Variants in KHDRBS2 observed in about 807,000 individuals in gnomAD.
KHDRBS2 encodes KH domain-containing, RNA-binding, signal transduction-associated protein 2.
A neutral mutation model predicts 44.3 loss-of-function variants in KHDRBS2; 26 were observed. That is an observed-to-expected ratio of 0.59 (90% CI 0.43 to 0.81). The LOEUF (loss-of-function observed/expected upper bound fraction) is 0.81, where lower values mean the gene tolerates loss of function less well. KHDRBS2 is among the 40% of genes least tolerant of loss of function. The pLI, the probability that KHDRBS2 is intolerant of heterozygous loss-of-function variation, is 0.00. For synonymous variants in KHDRBS2, 194 were observed against 151.1 expected, an observed-to-expected ratio of 1.28 and a Z score of -2.08; for missense variants, 476 against 433.1, an observed-to-expected ratio of 1.10 and a Z score of -0.88.
intron 3 of KHDRBS2, among the ~76,000 whole-genome samples, chr6:62,022,140 C>A (rs1352287075): frequency 2.6e-5 from 4 of 150,976 alleles, no homozygotes; most frequent in African/African-American, 7.3e-5. Context: ...AGTAGATTAT[C>A]CCTCGGGGTT....
chr6:62,005,448 TTAA>T (rs1203475299), intron 3 of KHDRBS2, among the ~76,000 whole-genome samples: 1 of 151,960 alleles, frequency 6.6e-6, no homozygotes, highest in Admixed American at 6.6e-5. Context: ...TAAATATGCT[TTAA>T]TAATAGAAAA....
chr6:61,688,631 A>G (rs1314618800), intron 8 of KHDRBS2, among the ~76,000 whole-genome samples: 5 of 151,924 alleles, frequency 3.3e-5, no homozygotes, highest in African/African-American at 1.2e-4. Flanking sequence ...TTTTCTACCT[A>G]AGAGCAGAAA....
At chr6:61,992,513 T>C (rs1172334510) in intron 3 of KHDRBS2, among the ~76,000 whole-genome samples, 2 of 152,208 alleles carry the variant, frequency 1.3e-5, no homozygotes, top group Admixed American at 1.3e-4. Flanking sequence ...TTTGGTATTA[T>C]GTTACTAATA....
chr6:62,071,744 C>T (rs528271462), intron 2 of KHDRBS2, among the ~76,000 whole-genome samples: 2 of 152,106 alleles, frequency 1.3e-5, no homozygotes, highest in East Asian at 1.9e-4. Flanking sequence ...GTTACTGTAG[C>T]CTTGTAGTAT....
chr6:62,239,432 G>C (rs1834222886), intron 1 of KHDRBS2, among the ~76,000 whole-genome samples: 1 of 151,978 alleles, frequency 6.6e-6, no homozygotes, highest in Admixed American at 6.6e-5. Context: ...AATTAACTGG[G>C]AGTGGTGACA....
intron 6 of KHDRBS2, among the ~76,000 whole-genome samples, chr6:61,733,906 T>C (rs1774906017): frequency 6.6e-6 from 1 of 152,156 alleles, no homozygotes; most frequent in South Asian, 2.1e-4. Context: ...TCTCTTTCCC[T>C]GGAATACACT....
chr6:62,154,759 C>T (rs978957877), intron 2 of KHDRBS2, among the ~76,000 whole-genome samples: 2 of 152,174 alleles, frequency 1.3e-5, no homozygotes, highest in African/African-American at 4.8e-5. Context: ...ATTCAAAATA[C>T]TACCACGTAG....
At chr6:62,110,029 A>C (rs1007810865) in intron 2 of KHDRBS2, among the ~76,000 whole-genome samples, 1 of 151,996 alleles carries the variant, frequency 6.6e-6, no homozygotes, top group African/African-American at 2.4e-5. Flanking sequence ...TAATACAGTG[A>C]TAAATTGATC....
chr6:61,650,612 T>C, the KHDRBS2 span, among the ~76,000 whole-genome samples: 1 of 151,462 alleles, frequency 6.6e-6, no homozygotes, highest in African/African-American at 2.4e-5. Context: ...TAATGCCTTT[T>C]TTTTTTTTAA....
At chr6:62,273,152 C>T (rs1443007718) in intron 1 of KHDRBS2, among the ~76,000 whole-genome samples, 1 of 152,122 alleles carries the variant, frequency 6.6e-6, no homozygotes, top group Non-Finnish European at 1.5e-5. Flanking sequence ...TTACTGTCCC[C>T]ATTTATAAAT....
rs370453405 is a variant in KHDRBS2 at position 61,795,707 on chromosome 6, C to G, written c.811-62943G>C. ...ATGCAACTTATAATTTGTTCTTCCC[C>G]TGAAAATCATTTTTACATTTTGCCT... On this transcript the variant is annotated intron_variant, in intron 6 of 8. Coordinates refer to ENST00000281156, the MANE Select transcript of KHDRBS2 (RefSeq NM_152688.4). 2.8e-4 allele frequency among the ~76,000 whole-genome samples: 43 copies of G among 152,194 alleles called. No homozygotes were observed. In the South Asian group the frequency reaches 7.7e-3, roughly 27 times the overall value.
the KHDRBS2 span, among the ~76,000 whole-genome samples, chr6:61,583,703 T>A: frequency 6.6e-6 from 1 of 151,634 alleles, no homozygotes; most frequent in Non-Finnish European, 1.5e-5. Context: ...GTTCCTTTGT[T>A]TTTTTAAAAT....
intron 6 of KHDRBS2, among the ~76,000 whole-genome samples, chr6:61,841,401 A>G (rs1050256963): frequency 2.0e-5 from 3 of 152,196 alleles, no homozygotes; most frequent in South Asian, 2.1e-4. Context: ...TACATTTATA[A>G]CATAAAATAA....
intron 2 of KHDRBS2, among the ~76,000 whole-genome samples, chr6:62,165,273 A>ATTTG (rs1368664528): frequency 6.7e-6 from 1 of 149,050 alleles, no homozygotes; most frequent in African/African-American, 2.4e-5. Context: ...TTATTTATTT[A>ATTTG]TTCATTGGCG....
intron 3 of KHDRBS2, among the ~76,000 whole-genome samples, chr6:61,981,526 C>T (rs889496272): frequency 3.3e-5 from 5 of 151,564 alleles, no homozygotes; most frequent in Non-Finnish European, 5.9e-5. Context: ...TATGTTACCT[C>T]GTATACTTAC....
intron 2 of KHDRBS2, among the ~76,000 whole-genome samples, chr6:62,174,774 T>G (rs964195435): frequency 2.0e-5 from 3 of 151,812 alleles, no homozygotes; most frequent in African/African-American, 7.2e-5. Flanking sequence ...GAGAGAAAGC[T>G]GTATAAAAGA....
chr6:61,960,418 A>C (rs1768395092), intron 4 of KHDRBS2, among the ~76,000 whole-genome samples: 1 of 152,130 alleles, frequency 6.6e-6, no homozygotes, highest in Non-Finnish European at 1.5e-5. Flanking sequence ...CATAGGAAAA[A>C]ATTGCATCTA....
chr6:61,576,322 A>G, the KHDRBS2 span, among the ~76,000 whole-genome samples: 1 of 152,008 alleles, frequency 6.6e-6, no homozygotes, highest in African/African-American at 2.4e-5. Flanking sequence ...GTGTATGCCT[A>G]GGTATATATA....
intron 8 of KHDRBS2, among the ~76,000 whole-genome samples, chr6:61,690,791 C>T (rs1767317385): frequency 6.6e-6 from 1 of 151,952 alleles, no homozygotes; most frequent in Non-Finnish European, 1.5e-5. Flanking sequence ...GCAATTCATC[C>T]TTTCAGTAGT....
Sources: allele counts gnomAD v4.1 joint callset (sites outside exome capture counted in the v4.1 genomes callset), GRCh38; gene constraint gnomAD v4.1.1; transcripts MANE v1.5; gene names NCBI Gene and HGNC (gene_info 2026-07-23, HGNC 2026-07-21).